The following RPTOR variants were observed in gnomAD, a reference collection of about 807,000 sequenced individuals.
RPTOR encodes regulatory-associated protein of mTOR.
In RPTOR, 21 loss-of-function variants were observed where a neutral mutation model predicts 169.9. The observed-to-expected ratio is 0.12, with a 90% CI of 0.09 to 0.18. RPTOR has a LOEUF of 0.18. RPTOR is among the 10% of genes least tolerant of loss of function. RPTOR has a pLI of 1.00. For synonymous variants in RPTOR, 732 were observed against 753.2 expected (o/e 0.97, Z 0.46); for missense variants, 1,133 against 1,855.9 (o/e 0.61, Z 7.16).
intron 2 of RPTOR, among the ~76,000 whole-genome samples, chr17:80,628,357 C>T (rs2065412442): frequency 6.6e-6 from 1 of 152,042 alleles, no homozygotes; most frequent in Admixed American, 6.6e-5. Flanking sequence ...TTAAATTTTC[C>T]TAGATTTCTG....
Position 80,845,408 on chromosome 17 carries a change from A to G in RPTOR, c.1213-1065A>G, listed in dbSNP as rs2067717530. On this transcript the variant is annotated intron_variant, in intron 10 of 33. Transcript: ENST00000306801. The surrounding 1 kb of genome is among the most constrained non-coding windows in gnomAD (Gnocchi z 5.4). ...TCCTCCCGCCCTCACCCCAGAGAGTACCCTCGTTTCCCATTTCACTGAGGA... is the reference window on the plus strand; with the variant it reads ...TCCTCCCGCCCTCACCCCAGAGAGTGCCCTCGTTTCCCATTTCACTGAGGA... Among the ~76,000 whole-genome samples, 1 of 151,784 alleles carries G rather than the reference A, an allele frequency of 6.6e-6. No individual in the cohort carries two copies. The highest frequency in any genetic ancestry group is 2.4e-5 in the African/African-American group (1 of 41,276).
chr17:80,896,717 C>T (rs1392909386), intron 20 of RPTOR, among the ~76,000 whole-genome samples: 3 of 152,204 alleles, frequency 2.0e-5, no homozygotes, highest in Non-Finnish European at 4.4e-5. Flanking sequence ...CTTTCTGTGT[C>T]GACAGCAGCC....
chr17:80,607,704 A>G (rs2065239106), intron 1 of RPTOR, among the ~76,000 whole-genome samples: 1 of 151,988 alleles, frequency 6.6e-6, no homozygotes, highest in Admixed American at 6.6e-5. Context: ...AGTTTTTAGC[A>G]CTGGGTGCTG....
At chr17:80,901,087 A>G (rs2068470743) in intron 20 of RPTOR, among the ~76,000 whole-genome samples, 1 of 152,108 alleles carries the variant, frequency 6.6e-6, no homozygotes, top group African/African-American at 2.4e-5. Context: ...GGTGCTGTCC[A>G]CAGGCAAGAG....
intron 3 of RPTOR, among the ~76,000 whole-genome samples, chr17:80,685,041 G>T (rs1442779735): frequency 1.4e-5 from 2 of 147,242 alleles, no homozygotes; most frequent in Non-Finnish European, 3.0e-5. Flanking sequence ...GTGGAAAAAT[G>T]TGTATGTAGT....
Position 80,687,199 on chromosome 17 carries a change from C to T in RPTOR, c.349-20642C>T, listed in dbSNP as rs143550498. On this transcript the variant is annotated intron_variant, in intron 3 of 33. Coordinates refer to ENST00000306801, the MANE Select transcript of RPTOR (RefSeq NM_020761.3). ...GAGTTCTGTCCGTCCCACTTCTCCT[C>T]ACTGTCTAGTCTTCTTCTGACCCTC... Among the ~76,000 whole-genome samples, 1,361 of 152,352 alleles carry T rather than the reference C, an allele frequency of 8.9e-3. 22 individuals are homozygous for T. Among genetic ancestry groups the T allele is most frequent in the African/African-American group, 0.03 (1,264 of 41,572 alleles).
At chr17:80,893,667 T>G (rs1400246260) in intron 19 of RPTOR, 40 bp from the exon 20 acceptor site, 1 of 1,582,978 alleles carries the variant, frequency 6.3e-7, no homozygotes, top group Non-Finnish European at 8.6e-7. Context: ...AAAAGGAGGG[T>G]CCCGGGAGCA....
At chr17:80,824,615 A>T (rs8065149) in intron 9 of RPTOR, among the ~76,000 whole-genome samples, 75 of 152,172 alleles carry the variant, frequency 4.9e-4, no homozygotes, top group Non-Finnish European at 1.0e-3. Context: ...AGAAAAAAAA[A>T]GCTGAAGGGG....
At chr17:80,684,482 C>T (rs562534585) in intron 3 of RPTOR, among the ~76,000 whole-genome samples, 8 of 151,624 alleles carry the variant, frequency 5.3e-5, no homozygotes, top group East Asian at 3.9e-4. Context: ...CTCGCTCTGC[C>T]GCCCAGGCTG....
At chr17:80,768,161 C>G (rs2066806675) in intron 6 of RPTOR, among the ~76,000 whole-genome samples, 1 of 152,186 alleles carries the variant, frequency 6.6e-6, no homozygotes, top group Admixed American at 6.5e-5. Flanking sequence ...CGCGCCTGAC[C>G]ACGTGAATTT....
At chr17:80,801,007 G>A (rs1249833031) in intron 7 of RPTOR, among the ~76,000 whole-genome samples, 2 of 152,212 alleles carry the variant, frequency 1.3e-5, no homozygotes, top group Non-Finnish European at 2.9e-5. Context: ...CAGCAGGTGC[G>A]GGGCTGCAGC....
intron 13 of RPTOR, among the ~76,000 whole-genome samples, chr17:80,875,326 A>C (rs942742071): frequency 1.3e-5 from 2 of 152,146 alleles, no homozygotes; most frequent in African/African-American, 4.8e-5. Context: ...TTGCTGCAAC[A>C]ACAAATACAT....
At chr17:80,736,104 G>A (rs1225282023) in intron 5 of RPTOR, among the ~76,000 whole-genome samples, 1 of 152,044 alleles carries the variant, frequency 6.6e-6, no homozygotes, top group Non-Finnish European at 1.5e-5. Flanking sequence ...CTCAGAGCTG[G>A]AGGCTGCAGT....
intron 1 of RPTOR, among the ~76,000 whole-genome samples, chr17:80,573,707 T>A (rs2064931541): frequency 3.9e-5 from 6 of 152,202 alleles, no homozygotes; most frequent in Admixed American, 3.9e-4. Flanking sequence ...GTAAGGCTGC[T>A]GGGGATCGGA....
intron 6 of RPTOR, among the ~76,000 whole-genome samples, chr17:80,783,601 G>T (rs972524949): frequency 2.0e-5 from 3 of 152,160 alleles, no homozygotes; most frequent in Non-Finnish European, 4.4e-5. Context: ...TTCCATTGCC[G>T]GCCAGGCTCA....
At chr17:80,582,621 C>T (rs2065024264) in intron 1 of RPTOR, among the ~76,000 whole-genome samples, 1 of 147,732 alleles carries the variant, frequency 6.8e-6, no homozygotes, top group Non-Finnish European at 1.5e-5. Context: ...TCTCGGCTCA[C>T]TGCAACCTCC....
chr17:80,696,191 T>G (rs2066034805), intron 3 of RPTOR, among the ~76,000 whole-genome samples: 1 of 152,192 alleles, frequency 6.6e-6, no homozygotes, highest in Non-Finnish European at 1.5e-5. Context: ...TTTGTTTTGT[T>G]TTGTTTTTTC....
chr17:80,787,758 A>G (rs1270697612), intron 6 of RPTOR, among the ~76,000 whole-genome samples: 1 of 152,024 alleles, frequency 6.6e-6, no homozygotes, highest in Admixed American at 6.5e-5. Flanking sequence ...TTTCTCTCAT[A>G]TCGCATGATG....
intron 11 of RPTOR, 58 bp downstream of exon 11, chr17:80,846,632 C>G: frequency 7.0e-7 from 1 of 1,424,946 alleles, no homozygotes; most frequent in Non-Finnish European, 9.9e-7. Context: ...AAGCCAGATG[C>G]CTGTACAGCC....
Sources: gnomAD v4.1 joint callset for allele counts (sites outside exome capture counted in the v4.1 genomes callset) on GRCh38, gnomAD v4.1.1 for gene constraint, Gnocchi (gnomAD v3.1) non-coding constraint, MANE v1.5 for transcripts, NCBI Gene and HGNC (gene_info 2026-07-23, HGNC 2026-07-21) for gene names.